The following GLRX2 variants were observed in gnomAD, a reference collection of about 807,000 sequenced individuals.
GLRX2 encodes glutaredoxin 2, also known as bA101E13.1 (GRX2 glutaredoxin (thioltransferase) 2).
In GLRX2, 12 loss-of-function variants were observed where a neutral mutation model predicts 16.4. That is an observed-to-expected ratio of 0.73 (90% CI 0.47 to 1.19). GLRX2 has a LOEUF of 1.19. Ranked by LOEUF, GLRX2 falls within the 50% of genes most tolerant of loss-of-function variation. The probability of loss-of-function intolerance (pLI) is 0.00; values close to 1 mark genes in which losing one functional copy is unlikely to be tolerated. For synonymous variants in GLRX2, 95 were observed against 76.2 expected (o/e 1.25, Z -1.28); for missense variants, 201 against 201.8 (o/e 1.00, Z 0.02).
intron 2 of GLRX2, 42 bp downstream of exon 2, chr1:193,101,099 T>C (rs760580100): frequency 7.8e-7 from 1 of 1,288,366 alleles, no homozygotes; most frequent in South Asian, 1.2e-5. Flanking sequence ...CAATTCTTTT[T>C]CTACAGAGGA....
At chr1:193,097,313 G>A (rs1674978936) in intron 3 of GLRX2, among the ~76,000 whole-genome samples, 1 of 152,132 alleles carries the variant, frequency 6.6e-6, no homozygotes, top group Non-Finnish European at 1.5e-5. Context: ...CTTTCATCTT[G>A]CCAAGAGCTC....
Position 193,099,232 on chromosome 1 carries a change from T to C in GLRX2, c.184-1472A>G, listed in dbSNP as rs1002621029. Among the ~76,000 whole-genome samples, 9 of 152,352 alleles carry C rather than the reference T, an allele frequency of 5.9e-5. No individual in the cohort carries two copies. In the South Asian group the frequency reaches 1.9e-3, roughly 32 times the overall value. On this transcript the variant is annotated intron_variant, in intron 2 of 3. Transcript: ENST00000367439. ...TTCTGCTATGCATCCACGCAGCCTATGAAGTTTTTCTTTTTGTTTTTTGTT... is the reference window on the plus strand; with the variant it reads ...TTCTGCTATGCATCCACGCAGCCTACGAAGTTTTTCTTTTTGTTTTTTGTT...
chr1:193,097,725 T>A lies in GLRX2; in HGVS notation c.219A>T (p.Ser73=). The A allele has an allele frequency of 6.3e-7, 1 of 1,596,892 alleles. No individual in the cohort carries two copies. The highest frequency in any genetic ancestry group is 1.1e-5 in the South Asian group (1 of 86,960). Residue 73 remains serine, a synonymous_variant, in exon 3 of 4, where the codon TCA becomes TCT. Coordinates refer to ENST00000367439, the MANE Select transcript of GLRX2 (RefSeq NM_197962.3). ...TTGTACAGTAAGAACAGGATGTTTT[T>A]GAGAAAATCACCACACAATTATCAG... ...TISDNCVVIF[S]KTSCSYCTMA... is the part of the protein sequence containing the mutation.
At chr1:193,101,080 T>G in intron 2 of GLRX2, 61 bp downstream of exon 2, 1 of 977,848 alleles carries the variant, frequency 1.0e-6, no homozygotes, top group Middle Eastern at 2.1e-4. Flanking sequence ...ATATTAAATA[T>G]ATAAGGGACA....
intron 1 of GLRX2, 144 bp downstream of exon 1, chr1:193,105,119 TG>T: frequency 7.8e-7 from 1 of 1,275,074 alleles, no homozygotes; most frequent in South Asian, 1.7e-5. Flanking sequence ...CGAGCGCCTC[TG>T]CGTGTTATGA....
In GLRX2 at chr1:193,105,377, A is replaced by G. The variant is rs1293700535; in HGVS notation, c.6T>C (p.Ile2=). The change falls in exon 1 of 4, where the codon ATT becomes ATC. Residue 2 remains isoleucine (I), a synonymous_variant. Transcript: ENST00000367439. M[I]WRRAALAGTR... is the part of the protein sequence containing the mutation. ...TCCCCGCCAGCGCCGCGCGGCGCCA[A>G]ATCATGGTCAGAGCCCGGATCTGCA... 1 of 1,543,120 alleles carries G rather than the reference A, an allele frequency of 6.5e-7. No individual in the cohort carries two copies. The highest frequency in any genetic ancestry group is 1.2e-5 in the South Asian group (1 of 84,368).
chr1:193,101,340 C>T, intron 1 of GLRX2, 136 bp from the exon 2 acceptor site: 1 of 638,914 alleles, frequency 1.6e-6, no homozygotes, highest in Non-Finnish European at 2.7e-6. Flanking sequence ...TACTTATTAT[C>T]AGTACAAAAT....
intron 1 of GLRX2, among the ~76,000 whole-genome samples, chr1:193,102,622 G>C (rs1455870593): frequency 6.6e-6 from 1 of 151,990 alleles, no homozygotes; most frequent in Non-Finnish European, 1.5e-5. Flanking sequence ...CAAAGTGCTG[G>C]GATTACAGGT....
intron 2 of GLRX2, among the ~76,000 whole-genome samples, chr1:193,098,223 A>C (rs1674999916): frequency 6.6e-6 from 1 of 152,162 alleles, no homozygotes; most frequent in South Asian, 2.1e-4. Flanking sequence ...CTGGCTCTAC[A>C]GTCCAGATAT....
At chr1:193,106,029 C>T, upstream of GLRX2, 1 of 989,202 alleles carries the variant, frequency 1.0e-6, no homozygotes, top group African/African-American at 1.7e-5. Flanking sequence ...GAAATTAGCA[C>T]AGAGATGTTT....
At chr1:193,103,805 C>T (rs1455190628) in intron 1 of GLRX2, among the ~76,000 whole-genome samples, 2 of 151,836 alleles carry the variant, frequency 1.3e-5, no homozygotes, top group African/African-American at 4.8e-5. Context: ...GCAAGGAACA[C>T]TTTAAAACAA....
At chr1:193,105,608 A>G, upstream of GLRX2, 1 of 1,605,722 alleles carries the variant, frequency 6.2e-7, no homozygotes, top group Non-Finnish European at 8.5e-7. Flanking sequence ...AGAGGGGAGA[A>G]GCGGCTCACT....
chr1:193,103,579 C>T (rs200490885), intron 1 of GLRX2, among the ~76,000 whole-genome samples: 1 of 151,880 alleles, frequency 6.6e-6, no homozygotes, highest in Non-Finnish European at 1.5e-5. Flanking sequence ...TCAGTACTAT[C>T]CGAGGTTTTA....
chr1:193,099,422 C>T (rs1049085988), intron 2 of GLRX2, among the ~76,000 whole-genome samples: 1 of 152,096 alleles, frequency 6.6e-6, no homozygotes, highest in African/African-American at 2.4e-5. Context: ...CTCACTGCAG[C>T]CTTAACCTCC....
At chr1:193,105,954 C>G (rs34353394), upstream of GLRX2, 12,238 of 1,018,024 alleles carry the variant, frequency 0.012, 105 homozygotes, top group South Asian at 0.039. Flanking sequence ...AAGGTTTACT[C>G]CAAAGAAGAC....
intron 1 of GLRX2, among the ~76,000 whole-genome samples, chr1:193,104,730 C>A (rs183225221): frequency 6.6e-6 from 1 of 152,246 alleles, no homozygotes; most frequent in Non-Finnish European, 1.5e-5. Context: ...TCGGTCTAGC[C>A]GCAGGCGGCA....
chr1:193,105,628 C>G, upstream of GLRX2: 1 of 1,600,930 alleles, frequency 6.2e-7, no homozygotes, highest in Non-Finnish European at 8.5e-7. Context: ...TTGCTTATCT[C>G]GAGGGTTCAT....
upstream of GLRX2, chr1:193,106,069 G>C (rs191785795): frequency 1.0e-6 from 1 of 985,402 alleles, no homozygotes; most frequent in Admixed American, 6.1e-5. Flanking sequence ...GGCGATTGCT[G>C]TTGACAGGAT....
chr1:193,106,008 A>G (rs1349407712), upstream of GLRX2: 1 of 992,728 alleles, frequency 1.0e-6, no homozygotes, highest in Non-Finnish European at 1.2e-6. Context: ...AAATTAGGAA[A>G]CAAAACAAAA....
Sources: allele counts gnomAD v4.1 joint callset (sites outside exome capture counted in the v4.1 genomes callset), GRCh38; gene constraint gnomAD v4.1.1; transcripts MANE v1.5; gene names NCBI Gene and HGNC (gene_info 2026-07-23, HGNC 2026-07-21).